Variants in FAM193A observed in about 807,000 individuals in gnomAD.
FAM193A encodes the protein family with sequence similarity 193 member A.
In FAM193A, 22 loss-of-function variants were observed where a neutral mutation model predicts 126.5. The ratio of observed to expected loss-of-function variants is 0.17; its 90% CI spans 0.12 to 0.25. FAM193A has a LOEUF of 0.25. FAM193A is among the 10% of genes least tolerant of loss of function. The probability of loss-of-function intolerance (pLI) is 1.00; values close to 1 mark genes in which losing one functional copy is unlikely to be tolerated. For missense variants in FAM193A, 1,675 were observed against 1,672.8 expected, an observed-to-expected ratio of 1.00 and a Z score of -0.02; for synonymous variants, 761 against 646.8, an observed-to-expected ratio of 1.18 and a Z score of -2.68.
At chr4:2,544,166 A>G (rs1453500810) in intron 1 of FAM193A, among the ~76,000 whole-genome samples, 2 of 152,212 alleles carry the variant, frequency 1.3e-5, no homozygotes, top group African/African-American at 4.8e-5. Context: ...TAAAAGTTTA[A>G]ATGGTTACCA....
intron 20 of FAM193A, among the ~76,000 whole-genome samples, chr4:2,729,183 A>G (rs1721097368): frequency 6.6e-6 from 1 of 152,152 alleles, no homozygotes; most frequent in Admixed American, 6.5e-5. Flanking sequence ...GGAATTGGGC[A>G]AGTGGGCTCA....
intron 18 of FAM193A, among the ~76,000 whole-genome samples, chr4:2,696,991 A>C (rs980924030): frequency 6.6e-6 from 1 of 151,832 alleles, no homozygotes; most frequent in African/African-American, 2.4e-5. Flanking sequence ...TTGATATGAG[A>C]CTGGGGCGGG....
chr4:2,707,125 C>T (rs576584819), intron 19 of FAM193A, among the ~76,000 whole-genome samples: 1 of 151,478 alleles, frequency 6.6e-6, no homozygotes, highest in African/African-American at 2.4e-5. Context: ...CTGTCTCCCC[C>T]CACAAAAAAA....
chr4:2,659,565 A>G lies in FAM193A; in HGVS notation c.1397A>G (p.Asn466Ser), dbSNP rs186379918. 8.1e-6 allele frequency: 13 copies of G among 1,612,688 alleles called. No homozygotes were observed. Among genetic ancestry groups the G allele is most frequent in the South Asian group, 7.7e-5 (7 of 91,034 alleles). The change falls in exon 9 of 21, where the codon AAT becomes AGT. Residue 466 changes from asparagine (N) to serine (S), a missense_variant. Around this residue, in one of 4 missense-constraint regions of FAM193A, gnomAD observed 1,186 missense variants for 1,109.2 expected, o/e 1.07. Transcript: ENST00000637812. The stretch of plus-strand genomic sequence containing the variant: ...TTTTAAAATTTCCTCTAGTTAACCA[A>G]TAAGAAAGCAGTTACTGGCGAGAAC... Reference protein sequence around the residue: ...QRRFIEEQLTNKKAVTGENNF... With the variant: ...QRRFIEEQLTSKKAVTGENNF...
intron 19 of FAM193A, chr4:2,708,065 A>G (rs923451672): frequency 1.0e-5 from 4 of 391,978 alleles, no homozygotes; most frequent in East Asian, 9.7e-5. Flanking sequence ...TTGTATTTCT[A>G]TTGGATAGTG....
chr4:2,549,255 C>G (rs1368620180), intron 1 of FAM193A, among the ~76,000 whole-genome samples: 3 of 150,796 alleles, frequency 2.0e-5, no homozygotes, highest in Admixed American at 1.3e-4. Context: ...CGGTTTTTTG[C>G]AGAGGAAAAA....
intron 2 of FAM193A, among the ~76,000 whole-genome samples, chr4:2,612,447 C>T (rs1741936840): frequency 6.6e-6 from 1 of 151,876 alleles, no homozygotes. Flanking sequence ...TGCAGTGAGC[C>T]GAGATTGCAC....
intron 6 of FAM193A, among the ~76,000 whole-genome samples, chr4:2,640,753 T>A (rs182451859): frequency 2.8e-3 from 427 of 152,108 alleles, no homozygotes; most frequent in African/African-American, 7.8e-3. Flanking sequence ...TCACCTGAGG[T>A]CAGGAGTTTG....
At chr4:2,560,088 C>T (rs1369860478) in intron 1 of FAM193A, among the ~76,000 whole-genome samples, 1 of 151,940 alleles carries the variant, frequency 6.6e-6, no homozygotes, top group Non-Finnish European at 1.5e-5. Context: ...ATTACAGGTG[C>T]CTGCCACCAC....
At chr4:2,718,692 C>T (rs577844973) in intron 20 of FAM193A, among the ~76,000 whole-genome samples, 1 of 151,970 alleles carries the variant, frequency 6.6e-6, no homozygotes, top group South Asian at 2.1e-4. Flanking sequence ...GTGCATCTAC[C>T]CTCCAACCTG....
chr4:2,598,124 C>T (rs1740975108), intron 2 of FAM193A, among the ~76,000 whole-genome samples: 1 of 152,084 alleles, frequency 6.6e-6, no homozygotes. Context: ...ATTATGGTCT[C>T]GATCGTGATC....
intron 1 of FAM193A, among the ~76,000 whole-genome samples, chr4:2,590,501 A>AC (rs1560464663): frequency 2.3e-5 from 1 of 43,618 alleles, no homozygotes; most frequent in Non-Finnish European, 4.8e-5. Context: ...AAAAACAAAA[A>AC]AAAACAAAAA....
Position 2,659,636 on chromosome 4 carries a change from A to T in FAM193A, c.1468A>T (p.Met490Leu). 1 of 1,614,174 alleles carries T rather than the reference A, an allele frequency of 6.2e-7. No individual in the cohort carries two copies. The highest frequency in any genetic ancestry group is 1.1e-5 in the South Asian group (1 of 91,076). ...GCACATGTTATCGTCCCGGCTGAGC[A>T]TGCCCGACTGCCCCAACTGCAACTA... ...MRHMLSSRLSMPDCPNCNYRR... is the reference protein window; with the variant it reads ...MRHMLSSRLSLPDCPNCNYRR... Residue 490 changes from methionine to leucine, a missense_variant, in exon 9 of 21, where the codon ATG (methionine) becomes TTG (leucine). Coordinates refer to ENST00000637812, the MANE Select transcript of FAM193A (RefSeq NM_001366318.2).
At chr4:2,611,665 C>T (rs1173735825) in intron 2 of FAM193A, among the ~76,000 whole-genome samples, 2 of 152,090 alleles carry the variant, frequency 1.3e-5, no homozygotes, top group Non-Finnish European at 2.9e-5. Flanking sequence ...TTCAGATCTT[C>T]TGCTCATTTT....
At chr4:2,672,005 G>T in intron 12 of FAM193A, 116 bp from the exon 13 acceptor site, 1 of 1,149,544 alleles carries the variant, frequency 8.7e-7, no homozygotes. Flanking sequence ...AGGGTGTCAG[G>T]AAAAGCCCAC....
At chr4:2,653,999 G>A (rs2109081692) in intron 7 of FAM193A, among the ~76,000 whole-genome samples, 1 of 152,284 alleles carries the variant, frequency 6.6e-6, no homozygotes, top group South Asian at 2.1e-4. Flanking sequence ...GGCAACTGCA[G>A]TGACCCCTGG....
At chr4:2,717,436 A>G (rs1432482480) in intron 20 of FAM193A, among the ~76,000 whole-genome samples, 1 of 152,008 alleles carries the variant, frequency 6.6e-6, no homozygotes, top group Non-Finnish European at 1.5e-5. Context: ...TCTCTACTAA[A>G]AATACAAAAA....
At position 2,709,353 on chromosome 4, in the gene FAM193A, G is replaced by A. The variant is rs986672883; in HGVS notation, c.4373-6670G>A. ...TAGGAGAGATGGGTCTGTGACTTCC[G>A]TTTTTGTTCTGTCTGTATTAGCTTT... On this transcript the variant is annotated intron_variant, in intron 19 of 20. Coordinates refer to ENST00000637812, the MANE Select transcript of FAM193A (RefSeq NM_001366318.2). Among the ~76,000 whole-genome samples, 9 of 152,064 alleles carry A rather than the reference G, an allele frequency of 5.9e-5. No homozygotes were observed. In the Middle Eastern group the frequency reaches 0.01, roughly 172 times the overall value.
At chr4:2,655,643 A>C (rs1313714592) in intron 7 of FAM193A, among the ~76,000 whole-genome samples, 2 of 152,044 alleles carry the variant, frequency 1.3e-5, no homozygotes, top group Non-Finnish European at 2.9e-5. Context: ...GTGCCAGCTA[A>C]GTTTTGGCTT....
Sources: gnomAD v4.1 joint callset for allele counts (sites outside exome capture counted in the v4.1 genomes callset) on GRCh38, gnomAD v4.1.1 for gene constraint, gnomAD v4.1.1 regional missense constraint, MANE v1.5 for transcripts, NCBI Gene and HGNC (gene_info 2026-07-23, HGNC 2026-07-21) for gene names.